Variants in NPIPB2 observed in about 807,000 individuals in gnomAD.
NPIPB2 encodes the protein nuclear pore complex interacting protein family member B2.
NPIPB2 carries 27 observed loss-of-function variants against 30.8 expected under a neutral mutation model. The ratio of observed to expected loss-of-function variants is 0.88; its 90% confidence interval spans 0.65 to 1.21. NPIPB2 has a LOEUF of 1.21. NPIPB2 is among the 50% of genes most tolerant of loss of function. The pLI is 0.00. For missense variants in NPIPB2, 440 were observed against 446.2 expected (o/e 0.99, Z 0.13); for synonymous variants, 147 against 162.0 (o/e 0.91, Z 0.70).
intron 1 of NPIPB2, chr16:11,968,722 T>C (rs971120223): frequency 3.9e-5 from 6 of 152,222 alleles, no homozygotes; most frequent in African/African-American, 1.4e-4. Flanking sequence ...CCACTGAGGT[T>C]GTTGCAAACA....
At chr16:11,959,459 G>A (rs76903732) in intron 1 of NPIPB2, among the ~76,000 whole-genome samples, 11 of 151,884 alleles carry the variant, frequency 7.2e-5, no homozygotes, top group African/African-American at 2.4e-4. Context: ...GCATGGTGGC[G>A]TACTATCGTA....
At chr16:11,957,978 C>T (rs1001958358) in intron 1 of NPIPB2, among the ~76,000 whole-genome samples, 6 of 152,118 alleles carry the variant, frequency 3.9e-5, no homozygotes, top group Non-Finnish European at 8.8e-5. Flanking sequence ...TTACAGAATC[C>T]CCCACACATC....
At chr16:11,964,538 C>G (rs1431298643) in intron 1 of NPIPB2, among the ~76,000 whole-genome samples, 1 of 152,062 alleles carries the variant, frequency 6.6e-6, no homozygotes, top group Non-Finnish European at 1.5e-5. Context: ...CCTCAGCCTC[C>G]TGAGTAGCTG....
chr16:11,976,147 T>G (rs538810841), intron 1 of NPIPB2, among the ~76,000 whole-genome samples: 4 of 152,040 alleles, frequency 2.6e-5, no homozygotes, highest in African/African-American at 9.6e-5. Context: ...ACTCACCCTC[T>G]CGAACTCCTG....
At chr16:11,934,017 G>C (rs1421879337) in intron 2 of NPIPB2, 93 bp from the exon 3 acceptor site, 2 of 954,510 alleles carry the variant, frequency 2.1e-6, no homozygotes, top group African/African-American at 3.2e-5. Context: ...TGGATCACGG[G>C]GTCAGGAGTT....
chr16:11,974,112 G>A (rs1016640093), intron 1 of NPIPB2, among the ~76,000 whole-genome samples: 1 of 152,180 alleles, frequency 6.6e-6, no homozygotes, highest in African/African-American at 2.4e-5. Flanking sequence ...GAGATTTGCT[G>A]TGTTATGGGC....
exon 8 of NPIPB2, chr16:11,927,796 C>T (rs2054750213): frequency 8.4e-6 from 13 of 1,548,032 alleles, no homozygotes; most frequent in Non-Finnish European, 1.0e-5. Context: ...GGTGGCCCAT[C>T]CTGTTTTTTA....
rs1205186064 is a variant in NPIPB2, at chr16:11,940,758, TAAAAAAA to T, written c.63+1218_63+1224del. Among the ~76,000 whole-genome samples, 3 of 47,158 alleles carry T rather than the reference TAAAAAAA, an allele frequency of 6.4e-5. No individual in the cohort carries two copies. The Admixed American group carries it at 9.7e-4, about 15-fold the overall frequency. The allele number at this position is 47,158 out of a possible 152,430, so 30.9% of individuals were successfully genotyped here. On this transcript the variant is annotated intron_variant, in intron 1 of 7. Transcript: ENST00000399147. ...CTGGGCGACAGAGTGAGACTCTGTC[TAAAAAAA>T]AAAAAAAAAAAAAAAAAAAGTCATC...
At chr16:11,946,563 A>C (rs1446752201), upstream of NPIPB2, among the ~76,000 whole-genome samples, 1 of 151,962 alleles carries the variant, frequency 6.6e-6, no homozygotes, top group Non-Finnish European at 1.5e-5. Flanking sequence ...ACGGAGTGAG[A>C]CCATATCTTT....
intron 1 of NPIPB2, chr16:11,968,048 T>C: frequency 1.7e-6 from 1 of 582,978 alleles, no homozygotes; most frequent in Non-Finnish European, 2.8e-6. Flanking sequence ...GGTTTCATGA[T>C]TAAACTCTTT....
intron 1 of NPIPB2, among the ~76,000 whole-genome samples, chr16:11,939,294 G>T (rs1186748767): frequency 2.0e-5 from 3 of 151,966 alleles, no homozygotes; most frequent in Non-Finnish European, 4.4e-5. Context: ...GGGCGTGGTG[G>T]CTCACGCCTG....
At chr16:11,931,860 AAC>A (rs1164133689) in intron 4 of NPIPB2, among the ~76,000 whole-genome samples, 2 of 152,182 alleles carry the variant, frequency 1.3e-5, no homozygotes, top group African/African-American at 4.8e-5. Context: ...AGAAGAAGGA[AAC>A]CCAGGACGAA....
At chr16:11,964,119 A>G (rs1320204225) in intron 1 of NPIPB2, 8 of 152,030 alleles carry the variant, frequency 5.3e-5, no homozygotes, top group Middle Eastern at 6.9e-3. Flanking sequence ...GAATTCAGGG[A>G]TCGGTGAAAC....
At chr16:11,955,142 C>T (rs971313152) in intron 1 of NPIPB2, among the ~76,000 whole-genome samples, 1 of 151,730 alleles carries the variant, frequency 6.6e-6, no homozygotes, top group Admixed American at 6.6e-5. Context: ...TGGATTGAGG[C>T]CAGGAGTCCG....
intron 1 of NPIPB2, among the ~76,000 whole-genome samples, chr16:11,947,753 C>G (rs149202154): frequency 8.3e-4 from 126 of 151,824 alleles, no homozygotes; most frequent in African/African-American, 2.9e-3. Context: ...CCAAATGCCT[C>G]TGACAAATTA....
intron 1 of NPIPB2, among the ~76,000 whole-genome samples, chr16:11,954,393 A>C (rs1231799406): frequency 6.6e-6 from 1 of 151,136 alleles, no homozygotes; most frequent in Admixed American, 6.6e-5. Flanking sequence ...CAGAAGAATC[A>C]CTTGAACCCA....
intron 1 of NPIPB2, among the ~76,000 whole-genome samples, chr16:11,953,803 G>A (rs776011691): frequency 6.9e-6 from 1 of 145,162 alleles, no homozygotes; most frequent in Non-Finnish European, 1.5e-5. Flanking sequence ...AACCTCCTGA[G>A]TAGCTGGGAT....
At chr16:11,965,007 T>C in intron 1 of NPIPB2, 1 of 399,284 alleles carries the variant, frequency 2.5e-6, no homozygotes, top group African/African-American at 2.0e-5. Context: ...GTCTGCATCT[T>C]GCAACTGTCA....
At chr16:11,963,244 G>A (rs2055167203) in intron 1 of NPIPB2, among the ~76,000 whole-genome samples, 1 of 152,040 alleles carries the variant, frequency 6.6e-6, no homozygotes, top group Non-Finnish European at 1.5e-5. Context: ...GCCAGGCGTG[G>A]TGGCATGCAC....
Sources: gnomAD v4.1 joint callset for allele counts (sites outside exome capture counted in the v4.1 genomes callset) on GRCh38, gnomAD v4.1.1 for gene constraint, MANE v1.5 for transcripts, NCBI Gene and HGNC (gene_info 2026-07-23, HGNC 2026-07-21) for gene names.